SPOCK3: variants seen among roughly 807,000 people sequenced by gnomAD.
SPOCK3 encodes the protein SPARC (osteonectin), cwcv and kazal like domains proteoglycan 3.
A neutral mutation model predicts 56.6 loss-of-function variants in SPOCK3; 30 were observed. That is an observed-to-expected ratio of 0.53 (90% confidence interval 0.40 to 0.72). SPOCK3 has a LOEUF of 0.72. Ranked by LOEUF, SPOCK3 falls within the 30% of genes least tolerant of loss-of-function variation. SPOCK3 has a pLI of 0.00. For synonymous variants in SPOCK3, 196 were observed against 183.3 expected (o/e 1.07, Z -0.56); for missense variants, 527 against 530.0 (o/e 0.99, Z 0.06).
At chr4:166,740,507 TATTATTATTATTATTATTATTATC>T (rs1228580656) in intron 9 of SPOCK3, among the ~76,000 whole-genome samples, 27 of 80,770 alleles carry the variant, frequency 3.3e-4, no homozygotes, top group African/African-American at 1.3e-3. Flanking sequence ...TTATTATTAT[TATTATTATTATTATTATTATTATC>T]ATTATTATTT....
At chr4:167,167,908 G>A (rs894611682) in intron 2 of SPOCK3, among the ~76,000 whole-genome samples, 1 of 152,096 alleles carries the variant, frequency 6.6e-6, no homozygotes, top group Admixed American at 6.6e-5. Context: ...AAATGCCAAG[G>A]TTAGGGCCAG....
At chr4:166,930,431 T>G (rs1307547413) in intron 4 of SPOCK3, among the ~76,000 whole-genome samples, 1 of 152,048 alleles carries the variant, frequency 6.6e-6, no homozygotes, top group East Asian at 1.9e-4. Flanking sequence ...TGTATTTTTG[T>G]AGAAAGGAGC....
chr4:167,224,047 T>G (rs1042976505), intron 2 of SPOCK3, among the ~76,000 whole-genome samples: 6 of 152,110 alleles, frequency 3.9e-5, no homozygotes, highest in African/African-American at 9.7e-5. Context: ...TTTAACTTAT[T>G]TTTAAAAGTA....
chr4:167,018,849 T>G (rs926475447), intron 3 of SPOCK3, among the ~76,000 whole-genome samples: 9 of 152,144 alleles, frequency 5.9e-5, no homozygotes, highest in African/African-American at 1.9e-4. Flanking sequence ...GAAGATACTT[T>G]CTTTCTCAGT....
At chr4:166,769,682 CTG>C (rs1738663698) in intron 7 of SPOCK3, among the ~76,000 whole-genome samples, 1 of 152,174 alleles carries the variant, frequency 6.6e-6, no homozygotes, top group Non-Finnish European at 1.5e-5. Context: ...ATCTCAAACT[CTG>C]TGCTGGGAGA....
At chr4:166,842,970 G>A (rs1000690040) in intron 6 of SPOCK3, among the ~76,000 whole-genome samples, 12 of 152,202 alleles carry the variant, frequency 7.9e-5, no homozygotes, top group South Asian at 2.1e-4. Context: ...GCCCTGCCCC[G>A]CGGGGAGGCA....
intron 2 of SPOCK3, among the ~76,000 whole-genome samples, chr4:167,136,264 T>C (rs1188345479): frequency 2.6e-5 from 4 of 151,700 alleles, no homozygotes; most frequent in Non-Finnish European, 4.4e-5. Context: ...CAGAGGATAC[T>C]TAAGTGTGTG....
chr4:167,204,798 G>A (rs111635331), intron 2 of SPOCK3, among the ~76,000 whole-genome samples: 2 of 151,584 alleles, frequency 1.3e-5, no homozygotes, highest in Non-Finnish European at 2.9e-5. Flanking sequence ...CTTTGTTATA[G>A]GAACAGCCTT....
At chr4:166,943,881 C>T (rs185622239) in intron 4 of SPOCK3, among the ~76,000 whole-genome samples, 197 of 152,296 alleles carry the variant, frequency 1.3e-3, no homozygotes, top group African/African-American at 3.7e-3. Flanking sequence ...CACAGTGGCT[C>T]CTGCCTGTAA....
Position 166,734,757 on chromosome 4 carries a change from A to T in SPOCK3, c.*164T>A. 1.7e-6 allele frequency: 1 copy of T among 585,926 alleles called. No homozygotes were observed. Among genetic ancestry groups the T allele is most frequent in the Non-Finnish European group, 2.8e-6 (1 of 354,054 alleles). 36.3% of individuals were successfully genotyped at this position (585,926 alleles called of 1,614,324 possible). A position where few individuals can be genotyped will look rare whatever the true frequency, so the allele number is the denominator to read the frequency against. On this transcript the variant is annotated 3_prime_UTR_variant, in exon 11 of 11. Coordinates refer to ENST00000357545, the MANE Select transcript of SPOCK3 (RefSeq NM_001040159.2). ...AACTCAAAGCAAATGATTCTTATTT[A>T]AACATAAAGTTCTATAACTTTAGCT...
intron 4 of SPOCK3, among the ~76,000 whole-genome samples, chr4:166,914,083 C>A (rs1032340692): frequency 6.6e-6 from 1 of 151,618 alleles, no homozygotes; most frequent in East Asian, 1.9e-4. Flanking sequence ...AAAAACCATT[C>A]TACTTGCACT....
intron 6 of SPOCK3, among the ~76,000 whole-genome samples, chr4:166,881,792 A>C (rs1733712041): frequency 6.6e-6 from 1 of 152,148 alleles, no homozygotes; most frequent in South Asian, 2.1e-4. Flanking sequence ...GTGATGCTAA[A>C]CTTCAAATAT....
chr4:166,941,086 G>A (rs1254101210), intron 4 of SPOCK3, among the ~76,000 whole-genome samples: 1 of 152,024 alleles, frequency 6.6e-6, no homozygotes, highest in Non-Finnish European at 1.5e-5. Context: ...AAGAACCAAG[G>A]TGTCACATTA....
At chr4:166,882,653 C>G in intron 6 of SPOCK3, among the ~76,000 whole-genome samples, 1 of 152,120 alleles carries the variant, frequency 6.6e-6, no homozygotes, top group South Asian at 2.1e-4. Context: ...TACATAAGCT[C>G]AAAATTCAAA....
At chr4:167,093,787 A>G (rs1182789620) in intron 2 of SPOCK3, among the ~76,000 whole-genome samples, 1 of 152,220 alleles carries the variant, frequency 6.6e-6, no homozygotes, top group Non-Finnish European at 1.5e-5. Flanking sequence ...AGAACGATTT[A>G]TAATCCTTTG....
intron 4 of SPOCK3, among the ~76,000 whole-genome samples, chr4:166,931,791 C>T (rs1739815565): frequency 6.6e-6 from 1 of 152,158 alleles, no homozygotes; most frequent in Non-Finnish European, 1.5e-5. Flanking sequence ...AAATGTTTTA[C>T]ATTTCTTTAG....
intron 6 of SPOCK3, among the ~76,000 whole-genome samples, chr4:166,881,259 A>C (rs1230203545): frequency 6.6e-6 from 1 of 151,882 alleles, no homozygotes; most frequent in Non-Finnish European, 1.5e-5. Context: ...CACTTGCAAA[A>C]TGTCTAAAGT....
chr4:166,900,214 G>A (rs1054781278), intron 5 of SPOCK3, among the ~76,000 whole-genome samples: 2 of 152,074 alleles, frequency 1.3e-5, no homozygotes, highest in African/African-American at 4.8e-5. Flanking sequence ...TAGCTCTTTG[G>A]GCTATTTGCA....
intron 6 of SPOCK3, among the ~76,000 whole-genome samples, chr4:166,857,218 G>A (rs1416503142): frequency 6.6e-6 from 1 of 152,200 alleles, no homozygotes; most frequent in Admixed American, 6.5e-5. Flanking sequence ...CATGCAGATA[G>A]CATGGTCTTC....
Sources: gnomAD v4.1 joint callset for allele counts (sites outside exome capture counted in the v4.1 genomes callset) on GRCh38, gnomAD v4.1.1 for gene constraint, MANE v1.5 for transcripts, NCBI Gene and HGNC (gene_info 2026-07-23, HGNC 2026-07-21) for gene names.